The following CSNK1G3 variants were observed in gnomAD, a reference collection of about 807,000 sequenced individuals.
CSNK1G3 encodes casein kinase 1 gamma 3, also known as casein kinase I isoform gamma-3.
CSNK1G3 carries 23 observed loss-of-function variants against 64.3 expected under a neutral mutation model. That is an observed-to-expected ratio of 0.36 (90% CI 0.26 to 0.51). The LOEUF is 0.51. Ranked by LOEUF, CSNK1G3 falls within the 20% of genes least tolerant of loss-of-function variation. CSNK1G3 has a pLI of 0.96. For synonymous variants in CSNK1G3, 158 were observed against 162.2 expected, an observed-to-expected ratio of 0.97 and a Z score of 0.20; for missense variants, 357 against 510.5, an observed-to-expected ratio of 0.70 and a Z score of 2.90.
In CSNK1G3 at chr5:123,545,493, A is replaced by G. The variant is rs538628734; in HGVS notation, c.-171A>G. 1.4e-5 allele frequency: 7 copies of G among 485,378 alleles called. No individual in the cohort carries two copies. In the East Asian group the frequency reaches 2.1e-4, roughly 14 times the overall value. 30.1% of individuals were successfully genotyped at this position (485,378 alleles called of 1,614,324 possible). On this transcript the variant is annotated 5_prime_UTR_variant, in exon 2 of 13. Coordinates refer to ENST00000345990, the Ensembl canonical transcript of CSNK1G3. Reference sequence around the variant, plus strand: ...TTTTGCTGAAAAGACACTAAGAAAAATTTTACGAATGGGATGAACATGCTC... The same window carrying G: ...TTTTGCTGAAAAGACACTAAGAAAAGTTTTACGAATGGGATGAACATGCTC...
chr5:123,602,281 C>A (rs972769565), intron 10 of CSNK1G3, among the ~76,000 whole-genome samples: 1 of 152,122 alleles, frequency 6.6e-6, no homozygotes. Context: ...TCTACAATTC[C>A]TAAGTTAAAT....
chr5:123,610,617 C>T (rs1191935854), intron 12 of CSNK1G3, among the ~76,000 whole-genome samples: 3 of 152,106 alleles, frequency 2.0e-5, no homozygotes, highest in African/African-American at 7.2e-5. Flanking sequence ...ATTTTGATTG[C>T]CTGTTTGTTG....
chr5:123,515,918 G>A (rs1486825894), intron 1 of CSNK1G3, among the ~76,000 whole-genome samples: 1 of 152,158 alleles, frequency 6.6e-6, no homozygotes, highest in Non-Finnish European at 1.5e-5. Context: ...TCATTTTTGA[G>A]AGCAGGAAAC....
intron 4 of CSNK1G3, among the ~76,000 whole-genome samples, chr5:123,559,083 A>T (rs925844401): frequency 1.3e-5 from 2 of 152,216 alleles, no homozygotes; most frequent in Non-Finnish European, 2.9e-5. Context: ...AAGTTGTAGG[A>T]CTAAATCTTA....
intron 1 of CSNK1G3, among the ~76,000 whole-genome samples, chr5:123,513,995 A>G (rs1748791366): frequency 6.6e-6 from 1 of 152,216 alleles, no homozygotes; most frequent in Non-Finnish European, 1.5e-5. Context: ...TAACCTTTAT[A>G]GTTGCACAAA....
intron 3 of CSNK1G3, among the ~76,000 whole-genome samples, chr5:123,557,170 T>G (rs1032526780): frequency 2.6e-5 from 4 of 152,080 alleles, no homozygotes; most frequent in African/African-American, 9.7e-5. Flanking sequence ...AGAGGTGAAT[T>G]TGGAGAACAG....
chr5:123,593,353 G>T (rs1238351206), intron 10 of CSNK1G3, among the ~76,000 whole-genome samples: 6 of 151,802 alleles, frequency 4.0e-5, no homozygotes, highest in Admixed American at 2.6e-4. Flanking sequence ...AATATCTCTA[G>T]ACCACTAAGC....
chr5:123,525,172 A>T (rs1778819687), intron 1 of CSNK1G3, among the ~76,000 whole-genome samples: 1 of 151,094 alleles, frequency 6.6e-6, no homozygotes, highest in Non-Finnish European at 1.5e-5. Context: ...CCTTTAGCAC[A>T]TAATAGGTCT....
intron 4 of CSNK1G3, among the ~76,000 whole-genome samples, chr5:123,558,230 C>G (rs928157478): frequency 2.6e-5 from 4 of 152,080 alleles, no homozygotes; most frequent in Non-Finnish European, 5.9e-5. Context: ...TGTAAGCCAC[C>G]AAATTTGTAG....
At chr5:123,594,650 C>T (rs1016629329) in intron 10 of CSNK1G3, among the ~76,000 whole-genome samples, 2 of 152,160 alleles carry the variant, frequency 1.3e-5, no homozygotes, top group African/African-American at 2.4e-5. Flanking sequence ...CCAGTGATGA[C>T]ATCTACTGTG....
At chr5:123,603,833 C>G (rs1239787617) in intron 10 of CSNK1G3, among the ~76,000 whole-genome samples, 1 of 152,034 alleles carries the variant, frequency 6.6e-6, no homozygotes, top group East Asian at 1.9e-4. Context: ...GGTGTAAGCT[C>G]AGAGAGGTAG....
At chr5:123,541,556 G>T (rs915183623) in intron 1 of CSNK1G3, among the ~76,000 whole-genome samples, 8 of 152,090 alleles carry the variant, frequency 5.3e-5, no homozygotes, top group Non-Finnish European at 8.8e-5. Flanking sequence ...AGCCTCCCAA[G>T]TAGCTGGGAC....
intron 1 of CSNK1G3, among the ~76,000 whole-genome samples, chr5:123,532,048 C>A (rs1484764225): frequency 1.3e-5 from 2 of 151,774 alleles, no homozygotes; most frequent in Non-Finnish European, 3.0e-5. Context: ...AGGTATAATA[C>A]AATATTAAGA....
chr5:123,557,443 C>A, intron 3 of CSNK1G3, 52 bp from the exon 4 acceptor site: 1 of 1,347,844 alleles, frequency 7.4e-7, no homozygotes, highest in Non-Finnish European at 1.1e-6. Flanking sequence ...GTGTTGGGAC[C>A]TAGTGCTCTT....
intron 6 of CSNK1G3, 69 bp from the exon 7 acceptor site, chr5:123,587,999 A>G (rs1248646012): frequency 3.0e-6 from 3 of 997,338 alleles, no homozygotes; most frequent in Admixed American, 2.5e-5. Flanking sequence ...TAATGAAAGA[A>G]CAAACTCTCC....
At chr5:123,540,795 G>T (rs932521000) in intron 1 of CSNK1G3, among the ~76,000 whole-genome samples, 1 of 152,038 alleles carries the variant, frequency 6.6e-6, no homozygotes, top group Non-Finnish European at 1.5e-5. Flanking sequence ...ACCACGTCTG[G>T]CTAATTTTTG....
At chr5:123,530,478 ACATTCATTT>A (rs1779749028) in intron 1 of CSNK1G3, among the ~76,000 whole-genome samples, 1 of 152,214 alleles carries the variant, frequency 6.6e-6, no homozygotes, top group Non-Finnish European at 1.5e-5. Context: ...TGATACATGT[ACATTCATTT>A]AAAGCCTACA....
intron 2 of CSNK1G3, among the ~76,000 whole-genome samples, chr5:123,548,722 A>G (rs531815528): frequency 2.6e-5 from 4 of 151,916 alleles, no homozygotes; most frequent in African/African-American, 7.2e-5. Context: ...CCTGGACAAT[A>G]TAGTGAGATC....
At chr5:123,525,820 C>T (rs976471196) in intron 1 of CSNK1G3, among the ~76,000 whole-genome samples, 5 of 151,366 alleles carry the variant, frequency 3.3e-5, no homozygotes, top group Non-Finnish European at 7.4e-5. Flanking sequence ...GGTGAAACCC[C>T]GTCTCTACTA....
Sources: allele counts gnomAD v4.1 joint callset (sites outside exome capture counted in the v4.1 genomes callset), GRCh38; gene constraint gnomAD v4.1.1; transcripts MANE v1.5; gene names NCBI Gene and HGNC (gene_info 2026-07-23, HGNC 2026-07-21).